The following MARK4 variants were observed in gnomAD, a reference collection of about 807,000 sequenced individuals.
The protein encoded by MARK4 is MAP/microtubule affinity-regulating kinase 4.
In MARK4, 19 loss-of-function variants were observed where a neutral mutation model predicts 81.5. The ratio of observed to expected loss-of-function variants is 0.23; its 90% CI spans 0.16 to 0.34. The LOEUF (loss-of-function observed/expected upper bound fraction) is 0.34. Among genes scored for constraint, MARK4 ranks in the 10% least tolerant of loss-of-function variants. The pLI, the probability that MARK4 is intolerant of heterozygous loss-of-function variation, is 1.00. For missense variants in MARK4, 772 were observed against 1,058.8 expected (o/e 0.73, Z 3.76); for synonymous variants, 436 against 439.0 (o/e 0.99, Z 0.08).
intron 1 of MARK4, 101 bp downstream of exon 1, chr19:45,251,740 C>T: frequency 8.8e-7 from 1 of 1,137,218 alleles, no homozygotes; most frequent in Admixed American, 3.1e-5. Flanking sequence ...CCCTCGTTTC[C>T]TGGGCCCGAC....
At position 45,257,446 on chromosome 19, in the gene MARK4, C is replaced by T. The variant is rs577817733; in HGVS notation, c.52-1543C>T. Among the ~76,000 whole-genome samples the T allele has an allele frequency of 6.8e-5, 10 of 147,066 alleles. No homozygotes were observed. In the South Asian group the frequency reaches 8.6e-4, roughly 13 times the overall value. ...TCACCCAGACTGTAGTGCAGTGGCG[C>T]GATCTCAGCTCACTGCAACCTCTGC... On this transcript the variant is annotated intron_variant, in intron 1 of 16. Transcript: ENST00000262891.
At chr19:45,277,870 TA>T in intron 8 of MARK4, 52 bp from the exon 9 acceptor site, 10 of 1,267,254 alleles carry the variant, frequency 7.9e-6, no homozygotes, top group African/African-American at 1.9e-5. Flanking sequence ...TGTGTGTGTG[TA>T]ATAGGTGGGG....
chr19:45,297,562 AGTTC>A, intron 14 of MARK4, 110 bp from the exon 15 acceptor site: 1 of 634,018 alleles, frequency 1.6e-6, no homozygotes, highest in Non-Finnish European at 2.7e-6. Context: ...CCTGTCTCTG[AGTTC>A]CAGGCTGGTT....
At chr19:45,289,363 G>A (rs1970791462) in intron 13 of MARK4, among the ~76,000 whole-genome samples, 1 of 133,632 alleles carries the variant, frequency 7.5e-6, no homozygotes, top group Non-Finnish European at 1.6e-5. Context: ...CTCCAGCCTG[G>A]TGACAGAGCA....
rs140802321 is a variant in MARK4, at chr19:45,287,181, C to T, written c.1277-266C>T. Among the ~76,000 whole-genome samples, 225 of 126,928 alleles carry T rather than the reference C, an allele frequency of 1.8e-3. 4 individuals are homozygous for T. In the East Asian group the frequency reaches 0.038, roughly 21 times the overall value. 83.3% of individuals were successfully genotyped at this position (126,928 alleles called of 152,430 possible). On this transcript the variant is annotated intron_variant, in intron 12 of 16. Coordinates refer to ENST00000262891, the MANE Select transcript of MARK4 (RefSeq NM_001199867.2). Reference sequence around the variant, plus strand: ...ATCGCACCACTGCACTCCAGCCTGGCAACAGAACCAGACTTTGTCTCAAAA... The same window carrying T: ...ATCGCACCACTGCACTCCAGCCTGGTAACAGAACCAGACTTTGTCTCAAAA...
rs1970239984 is a variant in MARK4 at position 45,251,534 on chromosome 19, C to G, written c.-55C>G. On this transcript the variant is annotated 5_prime_UTR_variant, in exon 1 of 17. Transcript: ENST00000262891. The stretch of plus-strand genomic sequence containing the variant: ...GGGGGGGAGGGGAAGAGAGGGGACC[C>G]TGGGACCCCCGCCCCCCCCACCCGG... The G allele has an allele frequency of 1.4e-6, 1 of 710,522 alleles. No individual in the cohort carries two copies. Among genetic ancestry groups the G allele is most frequent in the Non-Finnish European group, 2.1e-6 (1 of 471,120 alleles). 44.0% of individuals were successfully genotyped at this position (710,522 alleles called of 1,614,324 possible). A position where few individuals can be genotyped will look rare whatever the true frequency, so the allele number is the denominator to read the frequency against.
At position 45,304,077 on chromosome 19, in the gene MARK4, A is replaced by G. The variant is rs1265736868; in HGVS notation, c.*1367A>G. ...GGTATTTGTTGGTTTATGTTACTTA[A>G]TAGTCCAGGGGCACCTGGCTTCAGG... On this transcript the variant is annotated 3_prime_UTR_variant, in exon 17 of 17. Transcript: ENST00000262891. The G allele has an allele frequency of 6.6e-6, 1 of 152,268 alleles. No individual in the cohort carries two copies. Among genetic ancestry groups the G allele is most frequent in the Non-Finnish European group, 1.5e-5 (1 of 68,044 alleles). The allele number at this position is 152,268 out of a possible 1,614,324, so 9.4% of individuals were successfully genotyped here. A position where few individuals can be genotyped will look rare whatever the true frequency, so the allele number is the denominator to read the frequency against.
intron 13 of MARK4, 120 bp from the exon 14 acceptor site, chr19:45,294,229 C>G (rs1970855948): frequency 2.3e-6 from 2 of 873,270 alleles, no homozygotes; most frequent in African/African-American, 3.3e-5. Context: ...CCTACTCACC[C>G]TGGGTTCCCA....
chr19:45,303,502 T>C lies in MARK4; in HGVS notation c.*792T>C, dbSNP rs1442552644. ...ATCTGCAGAATGGGAGCGGTGGGGGTGGGAAGGTAAGGATGGTCGTGGAAG... is the reference window on the plus strand; with the variant it reads ...ATCTGCAGAATGGGAGCGGTGGGGGCGGGAAGGTAAGGATGGTCGTGGAAG... On this transcript the variant is annotated 3_prime_UTR_variant, in exon 17 of 17. Transcript: ENST00000262891. 2 of 150,682 alleles carry C rather than the reference T, an allele frequency of 1.3e-5. No homozygotes were observed. Among genetic ancestry groups the C allele is most frequent in the African/African-American group, 4.9e-5 (2 of 40,860 alleles). The allele number at this position is 150,682 out of a possible 1,614,324, so 9.3% of individuals were successfully genotyped here.
chr19:45,280,352 T>G (rs1346028673), intron 10 of MARK4, 22 bp from the exon 11 acceptor site: 1 of 1,602,002 alleles, frequency 6.2e-7, no homozygotes, highest in Non-Finnish European at 8.5e-7. Flanking sequence ...GTCTGAAACT[T>G]CTCTCCATCC....
intron 6 of MARK4, among the ~76,000 whole-genome samples, chr19:45,265,211 G>A (rs1158887764): frequency 2.0e-5 from 3 of 152,028 alleles, no homozygotes; most frequent in African/African-American, 7.3e-5. Flanking sequence ...GTGTGTGGGT[G>A]ATGGGGGCAC....
intron 2 of MARK4, 34 bp from the exon 3 acceptor site, chr19:45,263,079 C>T: frequency 6.3e-7 from 1 of 1,586,244 alleles, no homozygotes; most frequent in Non-Finnish European, 8.6e-7. Context: ...CTTGTGGCAC[C>T]TTGACCGTCC....
Position 45,305,110 on chromosome 19 carries a change from CAGAT to C in MARK4, c.*2405_*2408del, listed in dbSNP as rs900773739. ...CGGGGCTGGACAGATGGGGAGAGCG[CAGAT>C]AGATTTAAGAGAGTCCTGTGAGGCA... On this transcript the variant is annotated 3_prime_UTR_variant, in exon 17 of 17. Coordinates refer to ENST00000262891, the MANE Select transcript of MARK4 (RefSeq NM_001199867.2). The C allele has an allele frequency of 6.6e-5, 10 of 152,318 alleles. No homozygotes were observed. The highest frequency in any genetic ancestry group is 2.4e-4 in the African/African-American group (10 of 41,366). The allele number at this position is 152,318 out of a possible 1,614,324, so 9.4% of individuals were successfully genotyped here.
intron 1 of MARK4, 116 bp downstream of exon 1, chr19:45,251,755 CTCGTCACCTCTCGACCCCTCCCGGACTT>C: frequency 1.1e-6 from 1 of 913,938 alleles, no homozygotes; most frequent in East Asian, 3.2e-5. Flanking sequence ...CCCGACCCGG[CTCGTCACCTCTCGACCCCTCCCGGACTT>C]CCAGGCCTCT....
At chr19:45,267,590 G>A (rs1970472618) in intron 7 of MARK4, among the ~76,000 whole-genome samples, 1 of 152,218 alleles carries the variant, frequency 6.6e-6, no homozygotes, top group South Asian at 2.1e-4. Flanking sequence ...CTGTCGTTTT[G>A]TGAGCACCTG....
At position 45,304,059 on chromosome 19, in the gene MARK4, G is replaced by A. The variant is rs1971017018; in HGVS notation, c.*1349G>A. 6.6e-6 allele frequency: 1 copy of A among 152,254 alleles called. No homozygotes were observed. Among genetic ancestry groups the A allele is most frequent in the Non-Finnish European group, 1.5e-5 (1 of 68,044 alleles). 9.4% of individuals were successfully genotyped at this position (152,254 alleles called of 1,614,324 possible). ...ACGCTGCTTAAGCAAAAAGGTATTT[G>A]TTGGTTTATGTTACTTAATAGTCCA... On this transcript the variant is annotated 3_prime_UTR_variant, in exon 17 of 17. Coordinates refer to ENST00000262891, the MANE Select transcript of MARK4 (RefSeq NM_001199867.2).
At position 45,287,433 on chromosome 19, in the gene MARK4, AC is replaced by A. The variant is rs1267915793; in HGVS notation, c.1277-9del. The A allele has an allele frequency of 1.4e-6, 2 of 1,415,670 alleles. No individual in the cohort carries two copies. The highest frequency in any genetic ancestry group is 2.6e-5 in the East Asian group (1 of 39,076). 87.7% of individuals were successfully genotyped at this position (1,415,670 alleles called of 1,614,324 possible). On this transcript the variant is annotated splice_polypyrimidine_tract_variant and intron_variant, in intron 12 of 16. Transcript: ENST00000262891. The stretch of plus-strand genomic sequence containing the variant: ...CGTGGTGATGCCAGCTCTAAACGGT[AC>A]CCCCTCCCCCAGGTGGCCCATCCCC...
Position 45,287,603 on chromosome 19 carries a change from G to C in MARK4, c.1433G>C (p.Ser478Thr), listed in dbSNP as rs1373064843. Residue 478 changes from serine to threonine, a missense_variant, in exon 13 of 17, where the codon AGC becomes ACC. Around this residue, in one of 3 missense-constraint regions of MARK4, gnomAD observed 548 missense variants for 624.3 expected, o/e 0.88. Coordinates refer to ENST00000262891, the MANE Select transcript of MARK4 (RefSeq NM_001199867.2). ...GLPPSSPMVS[S>T]AHNPNKAEIP... ...CCCCCCTCCAGCCCCATGGTCAGCA[G>C]CGCCCACAACCCCAACAAGGCAGAG... is the stretch of plus-strand genomic sequence containing the variant. 6.3e-7 allele frequency: 1 copy of C among 1,598,246 alleles called. No homozygotes were observed. Among genetic ancestry groups the C allele is most frequent in the South Asian group, 1.1e-5 (1 of 89,914 alleles).
Position 45,264,612 on chromosome 19 carries a change from G to T in MARK4, c.356-72G>T, listed in dbSNP as rs345423. The T allele has an allele frequency of 2.1e-3, 3,016 of 1,434,980 alleles. 66 individuals carry two copies. The African/African-American group carries it at 0.037, about 18-fold the overall frequency. The allele number at this position is 1,434,980 out of a possible 1,614,324, so 88.9% of individuals were successfully genotyped here. On this transcript the variant is annotated intron_variant, in intron 4 of 16. Transcript: ENST00000262891. ...TGGGGGTGTTATGGTTGGCACATTTGCATAGTTACTGAGGACAGGTTAGGA... is the reference window on the plus strand; with the variant it reads ...TGGGGGTGTTATGGTTGGCACATTTTCATAGTTACTGAGGACAGGTTAGGA...
Sources: gnomAD v4.1 joint callset for allele counts (sites outside exome capture counted in the v4.1 genomes callset) on GRCh38, gnomAD v4.1.1 for gene constraint, gnomAD v4.1.1 regional missense constraint, MANE v1.5 for transcripts, NCBI Gene and HGNC (gene_info 2026-07-23, HGNC 2026-07-21) for gene names.